CCDC116: variants seen among roughly 807,000 people sequenced by gnomAD.
CCDC116 encodes the protein coiled-coil domain-containing protein 116.
In CCDC116, 24 loss-of-function variants were observed where a neutral mutation model predicts 29.4. That is an observed-to-expected ratio of 0.82 (90% CI 0.59 to 1.15). CCDC116 has a LOEUF of 1.15. CCDC116 is among the 50% of genes most tolerant of loss of function. The probability of loss-of-function intolerance (pLI) is 0.00; values close to 1 mark genes in which losing one functional copy is unlikely to be tolerated. For missense variants in CCDC116, 791 were observed against 804.0 expected (o/e 0.98, Z 0.20); for synonymous variants, 298 against 331.4 (o/e 0.90, Z 1.10).
rs1176319200 is a variant in CCDC116 at position 21,635,111 on chromosome 22, G to T, written c.1048G>T (p.Gly350Cys). 6.2e-7 allele frequency: 1 copy of T among 1,606,836 alleles called. No homozygotes were observed. Among genetic ancestry groups the T allele is most frequent in the East Asian group, 2.2e-5 (1 of 44,860 alleles). The stretch of plus-strand genomic sequence containing the variant: ...GCCCACCTCAGATCTGCCGCCTCTG[G>T]GCTCTGAGCCAGCTAAACCCACCAA... ...LEPTSDLPPL[G>C]SEPAKPTNGG... is the part of the protein sequence containing the mutation. The change falls in exon 4 of 5, where the codon GGC becomes TGC. Residue 350 changes from glycine to cysteine, a missense_variant. Transcript: ENST00000292779.
intron 2 of CCDC116, 26 bp downstream of exon 2, chr22:21,633,279 C>T (rs1382087380): frequency 6.6e-7 from 1 of 1,521,368 alleles, no homozygotes; most frequent in South Asian, 1.2e-5. Flanking sequence ...AGGGCGCCGA[C>T]CCTTGAGGCC....
rs748672060 is a variant in CCDC116, at chr22:21,636,419, G to T, written c.1204-13G>T. 17 of 1,606,202 alleles carry T rather than the reference G, an allele frequency of 1.1e-5. No homozygotes were observed. Among genetic ancestry groups the T allele is most frequent in the Non-Finnish European group, 1.4e-5 (16 of 1,176,650 alleles). On this transcript the variant is annotated splice_polypyrimidine_tract_variant and intron_variant, in intron 4 of 4. Transcript: ENST00000292779. ...GTGACATGTGTCCCTTTCCCTCCCC[G>T]GCTGCTATGCAGAGCCCCTGCAGCA... is the stretch of plus-strand genomic sequence containing the variant.
chr22:21,635,399 G>A (rs1407684802), intron 4 of CCDC116, 133 bp downstream of exon 4: 1 of 848,452 alleles, frequency 1.2e-6, no homozygotes, highest in Non-Finnish European at 1.9e-6. Flanking sequence ...GCCCTGGCAG[G>A]GCCTGCACCT....
intron 4 of CCDC116, 29 bp from the exon 5 acceptor site, chr22:21,636,403 G>T: frequency 6.3e-7 from 1 of 1,594,128 alleles, no homozygotes; most frequent in Non-Finnish European, 8.5e-7. Flanking sequence ...TGTGACATGT[G>T]TCCCTTTCCC....
At chr22:21,636,335 G>T in intron 4 of CCDC116, 97 bp from the exon 5 acceptor site, 4 of 1,127,942 alleles carry the variant, frequency 3.5e-6, no homozygotes, top group Non-Finnish European at 5.1e-6. Context: ...GGGCTGGCAG[G>T]GCTCTGAGGA....
At position 21,635,136 on chromosome 22, in the gene CCDC116, A is replaced by G. The variant is rs1289052967; in HGVS notation, c.1073A>G (p.Asn358Ser). The G allele has an allele frequency of 1.9e-6, 3 of 1,604,218 alleles. No individual in the cohort carries two copies. The highest frequency in any genetic ancestry group is 2.7e-5 in the African/African-American group (2 of 74,868). Residue 358 changes from asparagine (N) to serine (S), a missense_variant, in exon 4 of 5, where the codon AAT becomes AGT. Coordinates refer to ENST00000292779, the MANE Select transcript of CCDC116 (RefSeq NM_152612.3). ...GGCTCTGAGCCAGCTAAACCCACCAATGGCGGGCAGCCCTATGCTTCCCCC... is the reference window on the plus strand; with the variant it reads ...GGCTCTGAGCCAGCTAAACCCACCAGTGGCGGGCAGCCCTATGCTTCCCCC... The part of the protein sequence containing the change: ...PLGSEPAKPT[N>S]GGQPYASPRP...
Position 21,634,872 on chromosome 22 carries a change from G to A in CCDC116, c.809G>A (p.Arg270Gln), listed in dbSNP as rs757810447. ...PGEQEPIFRK[R>Q]EFNKEIKSLL... is the part of the protein sequence containing the mutation. ...GAACAGGAGCCAATCTTCCGCAAGC[G>A]AGAGTTCAATAAGGAGATCAAGTCA... Residue 270 changes from arginine (R) to glutamine (Q), a missense_variant, in exon 4 of 5, where the codon CGA becomes CAA. By Grantham distance (43) the Arg-to-Gln change is conservative (BLOSUM62 1). Transcript: ENST00000292779. 14 of 1,613,888 alleles carry A rather than the reference G, an allele frequency of 8.7e-6. No individual in the cohort carries two copies. The highest frequency in any genetic ancestry group is 8.0e-5 in the African/African-American group (6 of 74,932).
Position 21,636,496 on chromosome 22 carries a change from G to T in CCDC116, c.1268G>T (p.Ser423Ile), listed in dbSNP as rs375746015. 1.2e-6 allele frequency: 2 copies of T among 1,613,978 alleles called. No individual in the cohort carries two copies. The highest frequency in any genetic ancestry group is 1.7e-6 in the Non-Finnish European group (2 of 1,180,004). Residue 423 changes from serine to isoleucine, a missense_variant, in exon 5 of 5, where the codon AGC becomes ATC. By Grantham distance (142) the Ser-to-Ile change is moderately radical (BLOSUM62 -2). Coordinates refer to ENST00000292779, the MANE Select transcript of CCDC116 (RefSeq NM_152612.3). ...KPLPSISSKS[S>I]MSHFSNRLYE... ...CTGCCCTCCATCTCGTCGAAGTCCAGCATGTCTCACTTCTCCAACCGCCTT... is the reference window on the plus strand; with the variant it reads ...CTGCCCTCCATCTCGTCGAAGTCCATCATGTCTCACTTCTCCAACCGCCTT...
Position 21,634,486 on chromosome 22 carries a change from T to G in CCDC116, c.537T>G (p.Gly179=). 6.2e-7 allele frequency: 1 copy of G among 1,614,072 alleles called. No individual in the cohort carries two copies. The highest frequency in any genetic ancestry group is 8.5e-7 in the Non-Finnish European group (1 of 1,179,978). The stretch of plus-strand genomic sequence containing the variant: ...CCCACAGCCGGGACAGTGACCTAGG[T>G]GCCCAAGGCTCATTGCCACCTGTGA... ...LGSHSRDSDL[G]AQGSLPPVRD... is the part of the protein sequence containing the mutation. Residue 179 remains glycine (G), a synonymous_variant, in exon 3 of 5, where the codon GGT becomes GGG. Transcript: ENST00000292779.
Position 21,634,856 on chromosome 22 carries a change from C to T in CCDC116, c.793C>T (p.Pro265Ser). 2 of 1,613,936 alleles carry T rather than the reference C, an allele frequency of 1.2e-6. No homozygotes were observed. The highest frequency in any genetic ancestry group is 1.7e-6 in the Non-Finnish European group (2 of 1,180,010). ...ASEPRPGEQE[P>S]IFRKREFNKE... ...AGAGCCGAGGCCTGGAGAACAGGAG[C>T]CAATCTTCCGCAAGCGAGAGTTCAA... is the stretch of plus-strand genomic sequence containing the variant. Residue 265 changes from proline (P) to serine (S), a missense_variant, in exon 4 of 5, where the codon CCA becomes TCA. Pro to Ser is a moderately conservative substitution (Grantham distance 74, BLOSUM62 -1). Transcript: ENST00000292779.
Position 21,634,093 on chromosome 22 carries a change from A to G in CCDC116, c.144A>G (p.Pro48=), listed in dbSNP as rs749818507. The G allele has an allele frequency of 1.2e-6, 2 of 1,614,152 alleles. No homozygotes were observed. The highest frequency in any genetic ancestry group is 1.7e-6 in the Non-Finnish European group (2 of 1,180,014). ...GCAAGCCGGGCCGTGTGCCACACCC[A>G]CCATCCACATGTGGCAGCTCAGCAC... ...PACKPGRVPH[P]PSTCGSSALQ... is the part of the protein sequence containing the mutation. Residue 48 remains proline (P), a synonymous_variant, in exon 3 of 5, where the codon CCA becomes CCG. Coordinates refer to ENST00000292779, the MANE Select transcript of CCDC116 (RefSeq NM_152612.3).
chr22:21,635,723 C>A lies in CCDC116; in HGVS notation c.1203+457C>A. The stretch of plus-strand genomic sequence containing the variant: ...GGAAACCTCCTGGGCAGGGGTCAAG[C>A]TGATGGGGGCCCATGAATCCTGGCC... On this transcript the variant is annotated intron_variant, in intron 4 of 4. Transcript: ENST00000292779. 4 of 613,682 alleles carry A rather than the reference C, an allele frequency of 6.5e-6. No individual in the cohort carries two copies. The South Asian group carries it at 7.6e-5, about 12-fold the overall frequency. The allele number at this position is 613,682 out of a possible 1,614,324, so 38.0% of individuals were successfully genotyped here. A position where few individuals can be genotyped will look rare whatever the true frequency, so the allele number is the denominator to read the frequency against.
At chr22:21,635,669 C>G (rs1166952367) in intron 4 of CCDC116, 8 of 684,990 alleles carry the variant, frequency 1.2e-5, no homozygotes, top group Non-Finnish European at 1.9e-5. Context: ...AACAGGTGCT[C>G]AAGGTCAAGG....
intron 4 of CCDC116, chr22:21,635,809 T>C (rs147281369): frequency 3.4e-6 from 2 of 584,894 alleles, no homozygotes; most frequent in African/African-American, 3.7e-5. Flanking sequence ...GGGTATTTTT[T>C]CTAACGTTTG....
At position 21,637,139 on chromosome 22, in the gene CCDC116, A is replaced by G. The variant is rs2066040139; in HGVS notation, c.*69A>G. On this transcript the variant is annotated 3_prime_UTR_variant, in exon 5 of 5. Transcript: ENST00000292779. ...TGGACGTGGGCCACGGTGACCCACC[A>G]TGAAGTCCCCACTAGCCACTCGATT... The G allele has an allele frequency of 3.4e-6, 5 of 1,486,784 alleles. No individual in the cohort carries two copies. Among genetic ancestry groups the G allele is most frequent in the South Asian group, 2.7e-5 (2 of 73,306 alleles). 92.1% of individuals were successfully genotyped at this position (1,486,784 alleles called of 1,614,324 possible).
Position 21,634,810 on chromosome 22 carries a change from C to A in CCDC116, c.747C>A (p.Ser249Arg), listed in dbSNP as rs777412723. The A allele has an allele frequency of 1.7e-5, 27 of 1,613,890 alleles. No individual in the cohort carries two copies. In the East Asian group the frequency reaches 5.6e-4, roughly 33 times the overall value. The change falls in exon 4 of 5, where the codon AGC becomes AGA. Residue 249 changes from serine (S) to arginine (R), a missense_variant. Transcript: ENST00000292779. Reference protein sequence around the residue: ...LSWFSGLLGSSSGVPEASEPR... With the variant: ...LSWFSGLLGSRSGVPEASEPR... ...GGTTCTCAGGGCTGCTGGGCTCAAGCTCTGGCGTGCCTGAAGCATCAGAGC... is the reference window on the plus strand; with the variant it reads ...GGTTCTCAGGGCTGCTGGGCTCAAGATCTGGCGTGCCTGAAGCATCAGAGC...
chr22:21,633,145 G>A lies in CCDC116; in HGVS notation c.-37G>A, dbSNP rs1025835520. The A allele has an allele frequency of 3.9e-6, 6 of 1,519,926 alleles. No individual in the cohort carries two copies. The highest frequency in any genetic ancestry group is 5.4e-6 in the Non-Finnish European group (6 of 1,118,900). The allele number at this position is 1,519,926 out of a possible 1,614,324, so 94.2% of individuals were successfully genotyped here. On this transcript the variant is annotated 5_prime_UTR_variant, in exon 2 of 5. Coordinates refer to ENST00000292779, the MANE Select transcript of CCDC116 (RefSeq NM_152612.3). ...AGAGGAATGCGCAGCTGAAGAGAGA[G>A]GTGGGCAGCAGGCCCGGTCACCTGC...
intron 1 of CCDC116, 130 bp from the exon 2 acceptor site, chr22:21,632,990 G>A (rs746466917): frequency 2.0e-5 from 14 of 709,522 alleles, no homozygotes; most frequent in Admixed American, 4.0e-5. Flanking sequence ...ACGCATGGGG[G>A]CCATGGAGCA....
chr22:21,635,511 C>T (rs762398595), intron 4 of CCDC116: 1 of 703,204 alleles, frequency 1.4e-6, no homozygotes, highest in South Asian at 1.5e-5. Context: ...CCCCGCTCTT[C>T]CTGCTACCTT....
Sources: allele counts gnomAD v4.1 joint callset, GRCh38; gene constraint gnomAD v4.1.1; transcripts MANE v1.5; gene names NCBI Gene and HGNC (gene_info 2026-07-23, HGNC 2026-07-21).